SCARB2: variants seen among roughly 807,000 people sequenced by gnomAD.
SCARB2 encodes scavenger receptor class B member 2.
Under a neutral mutation model 58.6 loss-of-function variants are expected in SCARB2, and 29 were observed. The ratio of observed to expected loss-of-function variants is 0.49; its 90% CI spans 0.37 to 0.67. The LOEUF is 0.67. Ranked by LOEUF, SCARB2 falls within the 30% of genes least tolerant of loss-of-function variation. SCARB2 has a pLI of 0.00. For missense variants in SCARB2, 488 were observed against 578.5 expected (o/e 0.84, Z 1.60); for synonymous variants, 195 against 210.1 (o/e 0.93, Z 0.62).
At chr4:76,224,668 T>G (rs1733364444) in intron 1 of SCARB2, among the ~76,000 whole-genome samples, 1 of 152,168 alleles carries the variant, frequency 6.6e-6, no homozygotes, top group Non-Finnish European at 1.5e-5. Flanking sequence ...ACTCAAGCAA[T>G]TCTCCCAGGT....
chr4:76,176,474 G>C lies in SCARB2; in HGVS notation c.667C>G (p.Leu223Val), dbSNP rs1472142413. Residue 223 changes from leucine to valine, a missense_variant, in exon 5 of 12, where the codon CTT becomes GTT. Transcript: ENST00000264896. ...CATTCCACAATTTTTGTAAAGTTAA[G>C]GTAACTGTCTTCTCCAGTTAGAAAA... ...YVFLTGEDSY[L>V]NFTKIVEWNG... is the part of the protein sequence containing the mutation. 3 of 1,612,338 alleles carry C rather than the reference G, an allele frequency of 1.9e-6. No homozygotes were observed. Among genetic ancestry groups the C allele is most frequent in the Non-Finnish European group, 2.5e-6 (3 of 1,179,172 alleles).
At chr4:76,196,336 G>A (rs1406692890) in intron 1 of SCARB2, among the ~76,000 whole-genome samples, 2 of 152,164 alleles carry the variant, frequency 1.3e-5, no homozygotes, top group African/African-American at 2.4e-5. Flanking sequence ...CTGGGTTACA[G>A]AGCAAGACTC....
chr4:76,199,167 G>A (rs1196568145), intron 1 of SCARB2, among the ~76,000 whole-genome samples: 1 of 152,112 alleles, frequency 6.6e-6, no homozygotes, highest in African/African-American at 2.4e-5. Context: ...AAGAAATGGT[G>A]GCACTGGCTG....
chr4:76,174,014 T>C, intron 7 of SCARB2, 130 bp downstream of exon 7: 1 of 1,155,314 alleles, frequency 8.7e-7, no homozygotes, highest in South Asian at 1.3e-5. Flanking sequence ...CAAGTGATCA[T>C]CCCACCTCAG....
chr4:76,167,887 G>A (rs539196947), intron 9 of SCARB2, among the ~76,000 whole-genome samples: 18 of 152,076 alleles, frequency 1.2e-4, no homozygotes, highest in East Asian at 9.7e-4. Context: ...TCACCATGTT[G>A]GCCAGGATGG....
At chr4:76,178,508 A>C (rs1372409) in intron 4 of SCARB2, among the ~76,000 whole-genome samples, 54,838 of 152,096 alleles carry the variant, frequency 0.36, 12,930 homozygotes, top group African/African-American at 0.66. Flanking sequence ...GCCACTGGGA[A>C]CAAAAGGGCC....
intron 1 of SCARB2, among the ~76,000 whole-genome samples, chr4:76,197,430 T>C (rs1732736408): frequency 6.6e-6 from 1 of 152,230 alleles, no homozygotes; most frequent in Non-Finnish European, 1.5e-5. Context: ...TCCTTCAGCC[T>C]AGGTTCTAAA....
In SCARB2 at chr4:76,166,323, T is replaced by C. The variant is rs373404013; in HGVS notation, c.1188-22A>G. 4.2e-5 allele frequency: 67 copies of C among 1,612,550 alleles called. No individual in the cohort carries two copies. The African/African-American group carries it at 5.7e-4, about 14-fold the overall frequency. On this transcript the variant is annotated intron_variant, in intron 9 of 11. Transcript: ENST00000264896. Reference sequence around the variant, plus strand: ...TTCACTACAAAGACAAAGGATGAGATTGTTTCAGAAACATCCTCATCACAA... The same window carrying C: ...TTCACTACAAAGACAAAGGATGAGACTGTTTCAGAAACATCCTCATCACAA...
intron 7 of SCARB2, among the ~76,000 whole-genome samples, chr4:76,171,096 T>C (rs1732120672): frequency 6.6e-6 from 1 of 152,000 alleles, no homozygotes; most frequent in Non-Finnish European, 1.5e-5. Context: ...TGTCGGCAAG[T>C]TATTTAAATT....
chr4:76,232,838 A>C (rs990756545), intron 1 of SCARB2, among the ~76,000 whole-genome samples: 1 of 152,210 alleles, frequency 6.6e-6, no homozygotes, highest in African/African-American at 2.4e-5. Flanking sequence ...TGATATTATG[A>C]AATAGTGTTC....
intron 1 of SCARB2, among the ~76,000 whole-genome samples, chr4:76,208,456 T>C (rs1732972776): frequency 6.6e-6 from 1 of 152,216 alleles, no homozygotes; most frequent in Admixed American, 6.5e-5. Flanking sequence ...ATTGCTCCGT[T>C]ATAAACTTGG....
intron 1 of SCARB2, chr4:76,234,223 A>G (rs1022158071): frequency 6.6e-6 from 1 of 152,384 alleles, no homozygotes; most frequent in African/African-American, 2.4e-5. Flanking sequence ...GGGTGTGGGC[A>G]TGATTTCCCC....
At chr4:76,214,084 C>T (rs1016330421), upstream of SCARB2, 1 of 353,386 alleles carries the variant, frequency 2.8e-6, no homozygotes. Flanking sequence ...CCGAAATTGC[C>T]GAACCTGGTT....
chr4:76,213,730 CG>C lies in SCARB2; in HGVS notation c.-188del, dbSNP rs1325909021. The stretch of plus-strand genomic sequence containing the variant: ...CTGGCGAGCGCGGCCCCGGGTGCAC[CG>C]GGCGGATGGGGCCGCGGAGGGACGG... On this transcript the variant is annotated 5_prime_UTR_variant, in exon 1 of 12. Transcript: ENST00000264896. The C allele has an allele frequency of 2.0e-6, 1 of 493,676 alleles. No individual in the cohort carries two copies. The highest frequency in any genetic ancestry group is 2.1e-5 in the African/African-American group (1 of 47,848). The allele number at this position is 493,676 out of a possible 1,614,324, so 30.6% of individuals were successfully genotyped here. A position where few individuals can be genotyped will look rare whatever the true frequency, so the allele number is the denominator to read the frequency against.
chr4:76,216,298 C>T (rs1056742317), upstream of SCARB2, among the ~76,000 whole-genome samples: 18 of 152,294 alleles, frequency 1.2e-4, no homozygotes, highest in Admixed American at 8.5e-4. Context: ...ATCTATATGT[C>T]CTCTCCTTCC....
intron 2 of SCARB2, among the ~76,000 whole-genome samples, chr4:76,188,782 C>T (rs1732539707): frequency 6.6e-6 from 1 of 152,172 alleles, no homozygotes; most frequent in Non-Finnish European, 1.5e-5. Flanking sequence ...CTAACAGGCC[C>T]CATAGAAGGT....
At chr4:76,163,452 T>C (rs1731942133) in intron 10 of SCARB2, 69 bp from the exon 11 acceptor site, 5 of 1,558,202 alleles carry the variant, frequency 3.2e-6, no homozygotes, top group African/African-American at 1.4e-5. Context: ...TTGCTATATC[T>C]TTCCTTTGTT....
At chr4:76,172,965 C>T (rs1230431207) in intron 7 of SCARB2, 3 of 152,172 alleles carry the variant, frequency 2.0e-5, no homozygotes, top group African/African-American at 7.2e-5. Flanking sequence ...TGAGAAGACC[C>T]TGAGTTCCGC....
chr4:76,217,433 T>C, upstream of SCARB2: 1 of 399,468 alleles, frequency 2.5e-6, no homozygotes, highest in Admixed American at 4.3e-5. Flanking sequence ...GAGAGATTGT[T>C]CATGAATAGA....
Sources: gnomAD v4.1 joint callset for allele counts (sites outside exome capture counted in the v4.1 genomes callset) on GRCh38, gnomAD v4.1.1 for gene constraint, MANE v1.5 for transcripts, NCBI Gene and HGNC (gene_info 2026-07-23, HGNC 2026-07-21) for gene names.